The following NCAN variants were observed in gnomAD, a reference collection of about 807,000 sequenced individuals.
The protein encoded by NCAN is neurocan, also known as neurocan core protein.
A neutral mutation model predicts 121.8 loss-of-function variants in NCAN; 47 were observed. The observed-to-expected ratio is 0.39, with a 90% CI of 0.31 to 0.49. The LOEUF (loss-of-function observed/expected upper bound fraction) is 0.49, where lower values mean the gene tolerates loss of function less well. NCAN is among the 20% of genes least tolerant of loss of function. The probability of loss-of-function intolerance (pLI) is 0.92; values close to 1 mark genes in which losing one functional copy is unlikely to be tolerated. For synonymous variants in NCAN, 633 were observed against 702.0 expected (o/e 0.90, Z 1.55); for missense variants, 1,517 against 1,773.4 (o/e 0.86, Z 2.60).
In NCAN at chr19:19,225,510, C is replaced by G. The variant is rs1346309626; in HGVS notation, c.1072+240C>G. Among the ~76,000 whole-genome samples, 1 of 152,220 alleles carries G rather than the reference C, an allele frequency of 6.6e-6. No homozygotes were observed. Among genetic ancestry groups the G allele is most frequent in the Non-Finnish European group, 1.5e-5 (1 of 68,032 alleles). ...AGAGGAGGCCACTCTGGTGGGGAGT[C>G]ACCTTTGCTGGGTGGGCTGTATCTC... On this transcript the variant is annotated intron_variant, in intron 6 of 14. Transcript: ENST00000252575. This position sits in a 1 kb window ranked among gnomAD's most constrained non-coding sequence, Gnocchi z 4.0.
At chr19:19,231,024 A>C (rs1376797330) in intron 8 of NCAN, among the ~76,000 whole-genome samples, 1 of 151,776 alleles carries the variant, frequency 6.6e-6, no homozygotes, top group Non-Finnish European at 1.5e-5. Flanking sequence ...GGGATTACAG[A>C]CATGAGCCGT....
At chr19:19,234,948 T>C in intron 9 of NCAN, 35 bp from the exon 10 acceptor site, 1 of 1,435,424 alleles carries the variant, frequency 7.0e-7, no homozygotes, top group Non-Finnish European at 9.7e-7. Flanking sequence ...AAGGGGAAGC[T>C]GACCTCTAAC....
intron 9 of NCAN, 37 bp downstream of exon 9, chr19:19,233,942 G>A (rs760639856): frequency 6.6e-6 from 9 of 1,360,656 alleles, no homozygotes; most frequent in African/African-American, 1.4e-5. Flanking sequence ...ATCTGAATTT[G>A]TTTGACTCCA....
chr19:19,212,825 T>C lies in NCAN; in HGVS notation c.-8+761T>C, dbSNP rs537034994. 6.6e-6 allele frequency among the ~76,000 whole-genome samples: 1 copy of C among 152,280 alleles called. No homozygotes were observed. Among genetic ancestry groups the C allele is most frequent in the East Asian group, 1.9e-4 (1 of 5,184 alleles). ...CCCCCAGCTATGGATCCCCAGGACC[T>C]GTGAGGGATACCAGCTCAGAGGGGG... On this transcript the variant is annotated intron_variant, in intron 1 of 14. Transcript: ENST00000252575. This position sits in a 1 kb window ranked among gnomAD's most constrained non-coding sequence, Gnocchi z 4.5.
chr19:19,246,165 G>A (rs1045729706), intron 13 of NCAN, among the ~76,000 whole-genome samples: 1 of 152,080 alleles, frequency 6.6e-6, no homozygotes, highest in Non-Finnish European at 1.5e-5. Context: ...AGCCTCCTGA[G>A]TAGCTGGGAT....
rs764171896 is a variant in NCAN at position 19,227,656 on chromosome 19, C to T, written c.2036C>T (p.Ser679Phe). The change falls in exon 8 of 15, where the codon TCC becomes TTC. Residue 679 changes from serine (S) to phenylalanine (F), a missense_variant. Physicochemically the swap from Ser to Phe is radical, Grantham distance 155 (BLOSUM62 -2). Coordinates refer to ENST00000252575, the MANE Select transcript of NCAN (RefSeq NM_004386.3). The surrounding 1 kb of genome is among the most constrained non-coding windows in gnomAD (Gnocchi z 4.2). Reference protein sequence around the residue: ...PSPAAETKVYSLPLSLTPTGQ... With the variant: ...PSPAAETKVYFLPLSLTPTGQ... ...CCTGCTGCAGAGACCAAGGTGTATTCCCTGCCTCTCTCTTTGACCCCAACA... is the reference window on the plus strand; with the variant it reads ...CCTGCTGCAGAGACCAAGGTGTATTTCCTGCCTCTCTCTTTGACCCCAACA... 6.2e-7 allele frequency: 1 copy of T among 1,613,936 alleles called. No individual in the cohort carries two copies.
At chr19:19,221,849 C>G (rs2060817951) in intron 3 of NCAN, among the ~76,000 whole-genome samples, 1 of 152,026 alleles carries the variant, frequency 6.6e-6, no homozygotes, top group African/African-American at 2.4e-5. Flanking sequence ...TGAGATCGCA[C>G]CACTGCACTT....
chr19:19,224,402 C>G lies in NCAN; in HGVS notation c.747C>G (p.Tyr249Ter). Residue 249 changes from tyrosine (Y) to a stop codon, truncating the protein, a stop_gained, in exon 5 of 15, where the codon TAC becomes TAG. Transcript: ENST00000252575. LOFTEE classifies it high-confidence loss of function. ...GGAGGCGCAACCCACAGGAACTCTA[C>G]GATGTGTATTGCTTTGCCCGGGAGC... ...SYGRRNPQEL[Y>*]DVYCFARELG... 6.2e-7 allele frequency: 1 copy of G among 1,614,018 alleles called. No individual in the cohort carries two copies. The highest frequency in any genetic ancestry group is 1.6e-4 in the Middle Eastern group (1 of 6,062).
chr19:19,245,921 T>G (rs887337477), intron 13 of NCAN, among the ~76,000 whole-genome samples: 1 of 152,176 alleles, frequency 6.6e-6, no homozygotes, highest in South Asian at 2.1e-4. Context: ...TGTGTTGTGA[T>G]GAAAAAGTTC....
intron 8 of NCAN, among the ~76,000 whole-genome samples, chr19:19,229,842 C>T (rs541091663): frequency 6.6e-6 from 1 of 152,230 alleles, no homozygotes; most frequent in African/African-American, 2.4e-5. Context: ...CTTTGGGAGG[C>T]TGAGGTGGGA....
intron 14 of NCAN, 31 bp from the exon 15 acceptor site, chr19:19,249,735 C>T: frequency 6.4e-7 from 1 of 1,570,958 alleles, no homozygotes; most frequent in South Asian, 1.2e-5. Flanking sequence ...CACCTTTTGT[C>T]CCTTCCCTGT....
At position 19,238,272 on chromosome 19, in the gene NCAN, C is replaced by T. The variant is rs533026663; in HGVS notation, c.3270C>T (p.Arg1090=). ...FCEKDTEGCD[R]GWHKFQGHCY... Reference sequence around the variant, plus strand: ...TCCCAGACACCGAGGGCTGTGACCGCGGCTGGCATAAGTTCCAGGGCCACT... The same window carrying T: ...TCCCAGACACCGAGGGCTGTGACCGTGGCTGGCATAAGTTCCAGGGCCACT... The change falls in exon 11 of 15, where the codon CGC becomes CGT. Residue 1090 remains arginine, a synonymous_variant. Coordinates refer to ENST00000252575, the MANE Select transcript of NCAN (RefSeq NM_004386.3). 6.8e-6 allele frequency: 11 copies of T among 1,614,178 alleles called. No individual in the cohort carries two copies. The highest frequency in any genetic ancestry group is 6.7e-5 in the East Asian group (3 of 44,876).
intron 3 of NCAN, among the ~76,000 whole-genome samples, chr19:19,223,647 A>G (rs1568595695): frequency 6.6e-6 from 1 of 151,692 alleles, no homozygotes; most frequent in Non-Finnish European, 1.5e-5. Context: ...TATTTTTTGT[A>G]TTTTTAGTAG....
intron 5 of NCAN, 110 bp downstream of exon 5, chr19:19,224,543 TC>T: frequency 1.4e-6 from 2 of 1,383,536 alleles, no homozygotes; most frequent in South Asian, 1.4e-5. Flanking sequence ...GTCTTATACC[TC>T]CCTAAACCTG....
intron 13 of NCAN, among the ~76,000 whole-genome samples, chr19:19,245,768 G>A (rs1180347016): frequency 1.3e-5 from 2 of 150,186 alleles, no homozygotes; most frequent in Admixed American, 6.7e-5. Flanking sequence ...ATAAGCCATT[G>A]TGCCCAGCCT....
intron 1 of NCAN, among the ~76,000 whole-genome samples, chr19:19,213,506 G>T (rs190534855): frequency 1.3e-3 from 96 of 75,680 alleles, no homozygotes; most frequent in Middle Eastern, 5.8e-3. Flanking sequence ...GGGTTTATGT[G>T]GGGGGGGGGG....
At chr19:19,213,634 A>G (rs7250569) in intron 1 of NCAN, among the ~76,000 whole-genome samples, 25,042 of 151,598 alleles carry the variant, frequency 0.17, 2,482 homozygotes, top group South Asian at 0.27. Context: ...GTGTTTCCCC[A>G]GGGTCTGTGT....
intron 9 of NCAN, 77 bp downstream of exon 9, chr19:19,233,982 C>CT: frequency 1.1e-6 from 1 of 905,090 alleles, no homozygotes; most frequent in South Asian, 1.4e-5. Flanking sequence ...AGCAGCCATG[C>CT]CCTCAGAATT....
At chr19:19,240,478 C>A in intron 11 of NCAN, 125 bp from the exon 12 acceptor site, 1 of 855,260 alleles carries the variant, frequency 1.2e-6, no homozygotes, top group Non-Finnish European at 2.0e-6. Context: ...ACCCAGCCCA[C>A]CTCCAGGCTG....
Sources: gnomAD v4.1 joint callset for allele counts (sites outside exome capture counted in the v4.1 genomes callset) on GRCh38, gnomAD v4.1.1 for gene constraint, Gnocchi (gnomAD v3.1) non-coding constraint, MANE v1.5 for transcripts, NCBI Gene and HGNC (gene_info 2026-07-23, HGNC 2026-07-21) for gene names.